Variants in PSMA6 observed in about 807,000 individuals in gnomAD.
PSMA6 encodes proteasome subunit alpha type-6.
For synonymous variants in PSMA6, 88 were observed against 97.7 expected (o/e 0.90, Z 0.59); for missense variants, 170 against 294.8 (o/e 0.58, Z 3.10).
Position 35,292,571 on chromosome 14 carries a change from C to G in PSMA6, c.76+19C>G. 6.2e-7 allele frequency: 1 copy of G among 1,611,878 alleles called. No individual in the cohort carries two copies. Among genetic ancestry groups the G allele is most frequent in the South Asian group, 1.1e-5 (1 of 90,836 alleles). ...CAAGTAGGTGAGTGAACCAGGTTCGCCTGTGGGCCACCTGAATTGCCCTGT... is the reference window on the plus strand; with the variant it reads ...CAAGTAGGTGAGTGAACCAGGTTCGGCTGTGGGCCACCTGAATTGCCCTGT... On this transcript the variant is annotated intron_variant, in intron 1 of 6. Coordinates refer to ENST00000261479, the MANE Select transcript of PSMA6 (RefSeq NM_002791.3).
At position 35,317,480 on chromosome 14, in the gene PSMA6, TC is replaced by T. The variant is rs1481239911; in HGVS notation, c.*176del. ...ACAAGGCTTTTGGAAAATAATTGCA[TC>T]CTGTTGTTTTCACCTCCTATTTTAA... is the stretch of plus-strand genomic sequence containing the variant. On this transcript the variant is annotated 3_prime_UTR_variant, in exon 7 of 7. Coordinates refer to ENST00000261479, the MANE Select transcript of PSMA6 (RefSeq NM_002791.3). 3.5e-5 allele frequency: 19 copies of T among 541,644 alleles called. No individual in the cohort carries two copies. The highest frequency in any genetic ancestry group is 3.4e-4 in the African/African-American group (18 of 52,990). 33.6% of individuals were successfully genotyped at this position (541,644 alleles called of 1,614,324 possible). A position where few individuals can be genotyped will look rare whatever the true frequency, so the allele number is the denominator to read the frequency against.
chr14:35,279,127 A>G (rs930708357), intron 1 of PSMA6, among the ~76,000 whole-genome samples: 3 of 152,136 alleles, frequency 2.0e-5, no homozygotes, highest in African/African-American at 7.2e-5. Flanking sequence ...GGCTCACTGC[A>G]ACCTCCGCCT....
chr14:35,301,744 A>G (rs2051717246), intron 1 of PSMA6, among the ~76,000 whole-genome samples: 1 of 152,190 alleles, frequency 6.6e-6, no homozygotes, highest in South Asian at 2.1e-4. Context: ...TATATGTAAA[A>G]TGTTTTTTAT....
At chr14:35,287,039 A>G (rs1487447914) in intron 1 of PSMA6, among the ~76,000 whole-genome samples, 1 of 152,188 alleles carries the variant, frequency 6.6e-6, no homozygotes, top group Admixed American at 6.5e-5. Context: ...TTATAGAACT[A>G]GAGTAGAGAA....
At chr14:35,304,789 A>G (rs2051792204) in intron 1 of PSMA6, among the ~76,000 whole-genome samples, 1 of 152,040 alleles carries the variant, frequency 6.6e-6, no homozygotes, top group Non-Finnish European at 1.5e-5. Context: ...ATTATAATTA[A>G]CCAATTAAAT....
At chr14:35,302,328 A>G (rs532147379) in intron 1 of PSMA6, among the ~76,000 whole-genome samples, 3 of 152,276 alleles carry the variant, frequency 2.0e-5, no homozygotes, top group African/African-American at 7.2e-5. Context: ...CTCCCAAAGC[A>G]GTGGGATTAC....
intron 1 of PSMA6, chr14:35,293,056 T>C (rs2051517998): frequency 2.2e-6 from 1 of 455,938 alleles, no homozygotes; most frequent in African/African-American, 2.0e-5. Flanking sequence ...CCCTCTTCTA[T>C]ACTGAAGCTC....
chr14:35,312,634 G>A (rs1370969454), intron 4 of PSMA6: 3 of 406,432 alleles, frequency 7.4e-6, no homozygotes, highest in Non-Finnish European at 1.3e-5. Flanking sequence ...TTTTTAAATT[G>A]TATTTGTAAT....
At chr14:35,300,890 G>A (rs1339451440) in intron 1 of PSMA6, among the ~76,000 whole-genome samples, 1 of 152,194 alleles carries the variant, frequency 6.6e-6, no homozygotes, top group Non-Finnish European at 1.5e-5. Context: ...TATGAAATAA[G>A]GACTGTAAGA....
At chr14:35,291,243 A>G (rs1594375742), upstream of PSMA6, among the ~76,000 whole-genome samples, 5 of 95,146 alleles carry the variant, frequency 5.3e-5, no homozygotes, top group African/African-American at 2.1e-4. Context: ...TTTGAGACGG[A>G]GTCTCGCTCT....
chr14:35,285,295 G>A (rs763889399), intron 1 of PSMA6, among the ~76,000 whole-genome samples: 13 of 149,978 alleles, frequency 8.7e-5, no homozygotes, highest in African/African-American at 3.2e-4. Context: ...AGCCAAGATC[G>A]TGCCACTGCA....
chr14:35,295,071 C>T (rs972953678), intron 1 of PSMA6, among the ~76,000 whole-genome samples: 1 of 152,124 alleles, frequency 6.6e-6, no homozygotes, highest in Admixed American at 6.5e-5. Flanking sequence ...GGTGCAGTGC[C>T]TCACACCTGT....
intron 1 of PSMA6, among the ~76,000 whole-genome samples, chr14:35,294,917 A>T (rs1010065117): frequency 1.8e-4 from 27 of 152,220 alleles, no homozygotes; most frequent in African/African-American, 3.9e-4. Flanking sequence ...ATAATATTTT[A>T]AAAATGGGAT....
At chr14:35,285,468 C>T (rs143226657) in intron 1 of PSMA6, among the ~76,000 whole-genome samples, 494 of 152,238 alleles carry the variant, frequency 3.2e-3, no homozygotes, top group Non-Finnish European at 5.4e-3. Flanking sequence ...AAACCTCATT[C>T]ATTTGCATTT....
At chr14:35,312,839 T>C in intron 4 of PSMA6, 42 bp from the exon 5 acceptor site, 2 of 1,525,840 alleles carry the variant, frequency 1.3e-6, no homozygotes, top group Non-Finnish European at 1.8e-6. Flanking sequence ...GATGTCATTG[T>C]ATAAAGCTAA....
chr14:35,314,613 A>C, intron 6 of PSMA6, 158 bp downstream of exon 6: 2 of 956,380 alleles, frequency 2.1e-6, no homozygotes, highest in Non-Finnish European at 2.8e-6. Context: ...CTGTTTTTAA[A>C]ACTTTGGACT....
Position 35,303,151 on chromosome 14 carries a change from G to A in PSMA6, c.77-4843G>A, listed in dbSNP as rs138863151. Among the ~76,000 whole-genome samples the A allele has an allele frequency of 2.8e-3, 427 of 152,268 alleles. 2 individuals carry two copies. Among genetic ancestry groups the A allele is most frequent in the African/African-American group, 9.6e-3 (398 of 41,566 alleles). ...TTATTTTATGAAGACTGTGGATTCT[G>A]TTATATTTCTCCAAAGAGTATTGAC... is the stretch of plus-strand genomic sequence containing the variant. On this transcript the variant is annotated intron_variant, in intron 1 of 6. Coordinates refer to ENST00000261479, the MANE Select transcript of PSMA6 (RefSeq NM_002791.3).
chr14:35,298,725 T>A (rs1176532094), intron 1 of PSMA6, among the ~76,000 whole-genome samples: 1 of 145,666 alleles, frequency 6.9e-6, no homozygotes, highest in Admixed American at 6.9e-5. Context: ...TTATCTTTAT[T>A]TCTTTATTAT....
chr14:35,299,384 G>A (rs2051665580), intron 1 of PSMA6, among the ~76,000 whole-genome samples: 1 of 128,982 alleles, frequency 7.8e-6, no homozygotes, highest in South Asian at 2.5e-4. Context: ...GTGTAGTGGT[G>A]CAATCTCGGC....
Sources: gnomAD v4.1 joint callset for allele counts (sites outside exome capture counted in the v4.1 genomes callset) on GRCh38, gnomAD v4.1.1 for gene constraint, MANE v1.5 for transcripts, NCBI Gene and HGNC (gene_info 2026-07-23, HGNC 2026-07-21) for gene names.